OSBPL1A: variants seen among roughly 807,000 people sequenced by gnomAD.
The protein encoded by OSBPL1A is oxysterol binding protein like 1A, also known as oxysterol-binding protein-related protein 1.
Under a neutral mutation model 137.1 loss-of-function variants are expected in OSBPL1A, and 80 were observed. That is an observed-to-expected ratio of 0.58 (90% confidence interval 0.49 to 0.70). OSBPL1A has a LOEUF of 0.70. Among genes scored for constraint, OSBPL1A ranks in the 30% least tolerant of loss-of-function variants. OSBPL1A has a pLI of 0.00. For missense variants in OSBPL1A, 970 were observed against 1,129.4 expected (o/e 0.86, Z 2.02); for synonymous variants, 365 against 389.7 (o/e 0.94, Z 0.75).
intron 1 of OSBPL1A, 141 bp from the exon 2 acceptor site, chr18:24,377,676 G>A: frequency 3.4e-6 from 3 of 877,846 alleles, no homozygotes; most frequent in Non-Finnish European, 5.0e-6. Flanking sequence ...ATCCGTTGCA[G>A]GGTGAGAACT....
intron 15 of OSBPL1A, among the ~76,000 whole-genome samples, chr18:24,257,048 C>A (rs1278271043): frequency 7.2e-6 from 1 of 139,618 alleles, no homozygotes; most frequent in African/African-American, 2.6e-5. Context: ...AATGTCCATA[C>A]TATTCAAAGC....
chr18:24,370,805 C>T (rs942845265), intron 2 of OSBPL1A, among the ~76,000 whole-genome samples: 1 of 152,116 alleles, frequency 6.6e-6, no homozygotes, highest in African/African-American at 2.4e-5. Flanking sequence ...GTAGCCGGGA[C>T]CACAGGCATG....
At chr18:24,388,699 C>T (rs1029478359) in intron 1 of OSBPL1A, among the ~76,000 whole-genome samples, 38 of 149,130 alleles carry the variant, frequency 2.5e-4, no homozygotes, top group African/African-American at 8.7e-4. Flanking sequence ...ACTCAGGAAG[C>T]TGAAGCAGGA....
chr18:24,174,963 G>C (rs1214090138), intron 21 of OSBPL1A, among the ~76,000 whole-genome samples: 1 of 150,872 alleles, frequency 6.6e-6, no homozygotes, highest in Non-Finnish European at 1.5e-5. Context: ...TATTTTTTTA[G>C]AGACGGATTT....
chr18:24,227,993 T>A (rs946259641), intron 16 of OSBPL1A, among the ~76,000 whole-genome samples: 60 of 152,184 alleles, frequency 3.9e-4, no homozygotes, highest in Admixed American at 1.6e-3. Flanking sequence ...GAATTTTTTT[T>A]AGCAAAAGCA....
chr18:24,189,327 T>C (rs928760634), intron 18 of OSBPL1A, among the ~76,000 whole-genome samples: 1 of 152,202 alleles, frequency 6.6e-6, no homozygotes, highest in African/African-American at 2.4e-5. Flanking sequence ...AGACCTGGGT[T>C]ATAGAGAGAA....
intron 1 of OSBPL1A, among the ~76,000 whole-genome samples, chr18:24,395,488 A>G (rs758565758): frequency 4.6e-5 from 7 of 152,232 alleles, no homozygotes; most frequent in Admixed American, 4.6e-4. Flanking sequence ...GAAAATTTGT[A>G]ATGTATTAAT....
intron 7 of OSBPL1A, among the ~76,000 whole-genome samples, chr18:24,325,760 C>T (rs538380339): frequency 2.6e-5 from 4 of 152,212 alleles, no homozygotes; most frequent in Non-Finnish European, 4.4e-5. Context: ...ACAGTGGAGG[C>T]GCAGCATTGC....
At chr18:24,195,264 TCACTC>T (rs1387615928) in intron 18 of OSBPL1A, among the ~76,000 whole-genome samples, 1 of 151,932 alleles carries the variant, frequency 6.6e-6, no homozygotes, top group Non-Finnish European at 1.5e-5. Flanking sequence ...GGGCACCACT[TCACTC>T]CAGTCTGGGT....
intron 7 of OSBPL1A, chr18:24,321,861 A>C (rs75628564): frequency 0.027 from 10,090 of 374,090 alleles, 203 homozygotes; most frequent in African/African-American, 0.054. Context: ...GTTCTGGAGG[A>C]GGGTGATGGG....
At chr18:24,196,611 T>C (rs1401048792) in intron 17 of OSBPL1A, among the ~76,000 whole-genome samples, 1 of 152,108 alleles carries the variant, frequency 6.6e-6, no homozygotes, top group African/African-American at 2.4e-5. Context: ...GTAAACAAAA[T>C]GCCATCACAA....
intron 14 of OSBPL1A, among the ~76,000 whole-genome samples, chr18:24,293,197 G>T (rs951911910): frequency 1.3e-5 from 2 of 151,862 alleles, no homozygotes; most frequent in Non-Finnish European, 2.9e-5. Context: ...ACAAAGGTGA[G>T]GAGGGTTGAA....
chr18:24,212,495 G>A (rs1301136553), intron 17 of OSBPL1A, among the ~76,000 whole-genome samples: 2 of 152,054 alleles, frequency 1.3e-5, no homozygotes, highest in Non-Finnish European at 2.9e-5. Context: ...CTCATCTTTA[G>A]TAGTTCACCT....
intron 1 of OSBPL1A, among the ~76,000 whole-genome samples, chr18:24,379,763 C>T (rs552510300): frequency 2.0e-5 from 3 of 151,208 alleles, no homozygotes; most frequent in East Asian, 1.9e-4. Context: ...CCAGCTATAT[C>T]GGGAGGCTGA....
chr18:24,392,178 T>C (rs1907404111), intron 1 of OSBPL1A, among the ~76,000 whole-genome samples: 1 of 151,450 alleles, frequency 6.6e-6, no homozygotes, highest in Admixed American at 6.6e-5. Flanking sequence ...CTTTTTATTT[T>C]TGAGATGGAG....
At chr18:24,234,911 T>C (rs72884812) in intron 16 of OSBPL1A, among the ~76,000 whole-genome samples, 39,860 of 152,134 alleles carry the variant, frequency 0.26, 6,446 homozygotes, top group Middle Eastern at 0.38. Flanking sequence ...ATACTTTTCA[T>C]TGCTCTTTAC....
At chr18:24,327,407 T>C (rs541601673) in intron 7 of OSBPL1A, among the ~76,000 whole-genome samples, 52 of 152,056 alleles carry the variant, frequency 3.4e-4, no homozygotes, top group African/African-American at 1.2e-3. Flanking sequence ...CTTTGATTGA[T>C]TGATTGATTT....
intron 4 of OSBPL1A, chr18:24,358,350 GCA>G: frequency 3.1e-6 from 2 of 643,724 alleles, no homozygotes; most frequent in Non-Finnish European, 5.6e-6. Context: ...GCAAAGCTTC[GCA>G]CACAGCAGAA....
chr18:24,247,862 G>A (rs1309918037), intron 15 of OSBPL1A, among the ~76,000 whole-genome samples: 1 of 152,154 alleles, frequency 6.6e-6, no homozygotes, highest in African/African-American at 2.4e-5. Context: ...AAAAAAGGAG[G>A]AGAAAGGTAG....
Sources: allele counts gnomAD v4.1 joint callset (sites outside exome capture counted in the v4.1 genomes callset), GRCh38; gene constraint gnomAD v4.1.1; transcripts MANE v1.5; gene names NCBI Gene and HGNC (gene_info 2026-07-23, HGNC 2026-07-21).